The following MAPRE2 variants were observed in gnomAD, a reference collection of about 807,000 sequenced individuals.
The protein encoded by MAPRE2 is microtubule-associated protein RP/EB family member 2.
Under a neutral mutation model 43.2 loss-of-function variants are expected in MAPRE2, and 13 were observed. That is an observed-to-expected ratio of 0.30 (90% confidence interval 0.20 to 0.48). The LOEUF (loss-of-function observed/expected upper bound fraction) is 0.48. Ranked by LOEUF, MAPRE2 falls within the 20% of genes least tolerant of loss-of-function variation. MAPRE2 has a pLI of 0.99. For missense variants in MAPRE2, 161 were observed against 400.2 expected (o/e 0.40, Z 5.10); for synonymous variants, 135 against 148.8 (o/e 0.91, Z 0.68).
chr18:35,131,231 AAGGGACGG>A (rs1472432032), intron 5 of MAPRE2, among the ~76,000 whole-genome samples: 1 of 152,170 alleles, frequency 6.6e-6, no homozygotes, highest in Non-Finnish European at 1.5e-5. Context: ...TAAGTGATCT[AAGGGACGG>A]AGAGTCCTCA....
intron 1 of MAPRE2, among the ~76,000 whole-genome samples, chr18:34,981,856 CTTTATTTATTTTTTTTTTTTATT>C (rs2097016366): frequency 8.0e-6 from 1 of 125,592 alleles, no homozygotes; most frequent in Non-Finnish European, 1.8e-5. Flanking sequence ...GTCTCAGCGA[CTTTATTTATTTTTTTTTTTTATT>C]TTTATTTATT....
rs1908693586 is a variant in MAPRE2, at chr18:35,101,791, A to G, written c.397-155A>G. On this transcript the variant is annotated intron_variant, in intron 3 of 6. Coordinates refer to ENST00000300249, the MANE Select transcript of MAPRE2 (RefSeq NM_014268.4). ...ATTTTCTTTATCCATTCATCTGTTG[A>G]TGGACACTTAGGTTGCTTCCAAATC... is the stretch of plus-strand genomic sequence containing the variant. 2.0e-5 allele frequency among the ~76,000 whole-genome samples: 3 copies of G among 152,142 alleles called. No individual in the cohort carries two copies. In the South Asian group the frequency reaches 6.2e-4, roughly 31 times the overall value.
At chr18:35,060,660 T>A (rs945718355) in intron 1 of MAPRE2, among the ~76,000 whole-genome samples, 1 of 152,216 alleles carries the variant, frequency 6.6e-6, no homozygotes, top group East Asian at 1.9e-4. Context: ...ATTGACTTGT[T>A]AAGTCTGAGT....
chr18:35,025,026 T>A (rs1002390238), intron 2 of MAPRE2, among the ~76,000 whole-genome samples: 4 of 152,238 alleles, frequency 2.6e-5, no homozygotes, highest in Admixed American at 2.0e-4. Flanking sequence ...TCACCTTGAT[T>A]AGTACTAGCA....
chr18:34,985,518 T>TA (rs2097020070), intron 1 of MAPRE2, among the ~76,000 whole-genome samples: 1 of 61,016 alleles, frequency 1.6e-5, no homozygotes, highest in South Asian at 4.6e-4. Flanking sequence ...AATATATATA[T>TA]TATATATTAT....
rs1230597879 is a variant in MAPRE2, at chr18:35,142,320, C to T, written c.*1951C>T. 1.3e-5 allele frequency: 2 copies of T among 152,266 alleles called. No homozygotes were observed. The highest frequency in any genetic ancestry group is 2.4e-5 in the African/African-American group (1 of 41,456). The allele number at this position is 152,266 out of a possible 1,614,324, so 9.4% of individuals were successfully genotyped here. On this transcript the variant is annotated 3_prime_UTR_variant, in exon 7 of 7. Transcript: ENST00000300249. ...ACCTGATACTGCAGTGGTTCCTAGGCCATTCTTCATCTGCTCTGGACATCT... is the reference window on the plus strand; with the variant it reads ...ACCTGATACTGCAGTGGTTCCTAGGTCATTCTTCATCTGCTCTGGACATCT...
intron 1 of MAPRE2, among the ~76,000 whole-genome samples, chr18:34,985,114 T>C (rs1212201951): frequency 1.2e-5 from 1 of 86,592 alleles, no homozygotes; most frequent in African/African-American, 4.8e-5. Context: ...ATAAATATTA[T>C]ATACTATATT....
intron 1 of MAPRE2, among the ~76,000 whole-genome samples, chr18:35,000,883 C>T (rs1184773255): frequency 6.6e-6 from 1 of 152,102 alleles, no homozygotes; most frequent in Admixed American, 6.6e-5. Context: ...AGTGTATGGT[C>T]CAGTTTTGAA....
At chr18:35,021,568 G>A (rs557001302) in intron 2 of MAPRE2, among the ~76,000 whole-genome samples, 3 of 152,090 alleles carry the variant, frequency 2.0e-5, no homozygotes, top group East Asian at 1.9e-4. Context: ...TAAACTTCAC[G>A]GCCCCACTCC....
At chr18:35,021,436 C>T (rs1407410694) in intron 2 of MAPRE2, among the ~76,000 whole-genome samples, 1 of 151,908 alleles carries the variant, frequency 6.6e-6, no homozygotes, top group African/African-American at 2.4e-5. Context: ...GATTATATTG[C>T]CAGCTAAATA....
intron 6 of MAPRE2, among the ~76,000 whole-genome samples, chr18:35,136,038 A>G (rs1910378241): frequency 6.6e-6 from 1 of 152,194 alleles, no homozygotes; most frequent in Non-Finnish European, 1.5e-5. Flanking sequence ...TTGGCCTCTG[A>G]TTGTTATATT....
intron 4 of MAPRE2, among the ~76,000 whole-genome samples, chr18:35,118,874 G>A (rs1019081104): frequency 6.6e-6 from 1 of 152,114 alleles, no homozygotes; most frequent in Non-Finnish European, 1.5e-5. Flanking sequence ...CATTTCCTCT[G>A]CCTGGCCTGC....
chr18:35,061,960 G>A (rs939371534), intron 1 of MAPRE2, among the ~76,000 whole-genome samples: 4 of 152,204 alleles, frequency 2.6e-5, no homozygotes, highest in Non-Finnish European at 1.5e-5. Context: ...TGAACCTAGA[G>A]AATGAATTAT....
chr18:35,097,380 T>A, intron 2 of MAPRE2, 66 bp from the exon 3 acceptor site: 1 of 1,470,692 alleles, frequency 6.8e-7, no homozygotes, highest in Non-Finnish European at 9.4e-7. Flanking sequence ...CCTTCCAGCC[T>A]AGCAGTCCTC....
chr18:35,023,842 T>G (rs530000177), intron 2 of MAPRE2, among the ~76,000 whole-genome samples: 2 of 152,192 alleles, frequency 1.3e-5, no homozygotes, highest in Admixed American at 1.3e-4. Flanking sequence ...ATTTTTTTAT[T>G]TACTGATGCC....
At chr18:35,058,579 C>T (rs1906358887) in intron 1 of MAPRE2, among the ~76,000 whole-genome samples, 1 of 152,148 alleles carries the variant, frequency 6.6e-6, no homozygotes, top group African/African-American at 2.4e-5. Context: ...TCTGTAGTAA[C>T]TAGAAATGCA....
intron 1 of MAPRE2, chr18:34,978,649 CTGGAAATGAAATG>C: frequency 2.1e-6 from 2 of 955,312 alleles, no homozygotes; most frequent in Non-Finnish European, 3.3e-6. Context: ...AGTGTCCCCT[CTGGAAATGAAATG>C]CTTCCTTACT....
chr18:35,081,535 G>C (rs1258267294), intron 2 of MAPRE2, among the ~76,000 whole-genome samples: 1 of 152,192 alleles, frequency 6.6e-6, no homozygotes, highest in Non-Finnish European at 1.5e-5. Context: ...TCAGGGAGCT[G>C]CCGGGGAAGG....
intron 1 of MAPRE2, among the ~76,000 whole-genome samples, chr18:34,983,844 G>T (rs1390903982): frequency 2.0e-5 from 3 of 152,020 alleles, no homozygotes; most frequent in African/African-American, 7.3e-5. Flanking sequence ...TGGCCAGGTT[G>T]GTCTCAAACT....
Sources: gnomAD v4.1 joint callset for allele counts (sites outside exome capture counted in the v4.1 genomes callset) on GRCh38, gnomAD v4.1.1 for gene constraint, MANE v1.5 for transcripts, NCBI Gene and HGNC (gene_info 2026-07-23, HGNC 2026-07-21) for gene names.